The following ITGA4 variants were observed in gnomAD, a reference collection of about 807,000 sequenced individuals.
The protein encoded by ITGA4 is integrin alpha-4.
Under a neutral mutation model 133.6 loss-of-function variants are expected in ITGA4, and 63 were observed. The observed-to-expected ratio is 0.47, with a 90% CI of 0.38 to 0.58. The LOEUF (loss-of-function observed/expected upper bound fraction) is 0.58. ITGA4 is among the 20% of genes least tolerant of loss of function. ITGA4 has a pLI of 0.00. For missense variants in ITGA4, 1,076 were observed against 1,252.7 expected (o/e 0.86, Z 2.13); for synonymous variants, 483 against 438.0 (o/e 1.10, Z -1.28).
chr2:181,460,901 G>A (rs1685260669), intron 2 of ITGA4, among the ~76,000 whole-genome samples: 1 of 152,124 alleles, frequency 6.6e-6, no homozygotes, highest in South Asian at 2.1e-4. Flanking sequence ...ATGTTATAAT[G>A]ATTAAAGATC....
intron 27 of ITGA4, among the ~76,000 whole-genome samples, 174 bp from the exon 28 acceptor site, chr2:181,535,258 C>T (rs747540508): frequency 1.7e-4 from 26 of 152,144 alleles, no homozygotes; most frequent in Middle Eastern, 6.8e-3. Context: ...TTCTTTAACC[C>T]AGTATGTCCC....
Position 181,495,766 on chromosome 2 carries a change from T to C in ITGA4, c.1386-17T>C. On this transcript the variant is annotated splice_polypyrimidine_tract_variant and intron_variant, in intron 13 of 27. Transcript: ENST00000397033. The surrounding 1 kb of genome is among the most constrained non-coding windows in gnomAD (Gnocchi z 4.3). ...ATAATTCTGCAATTAACATTGCTAC[T>C]TTTATTTCCTTCTCAGGACAAGACC... 4 of 1,601,926 alleles carry C rather than the reference T, an allele frequency of 2.5e-6. No individual in the cohort carries two copies. The highest frequency in any genetic ancestry group is 3.4e-6 in the Non-Finnish European group (4 of 1,175,450).
At chr2:181,507,214 G>C (rs893043496) in intron 15 of ITGA4, among the ~76,000 whole-genome samples, 19 of 152,040 alleles carry the variant, frequency 1.2e-4, no homozygotes, top group African/African-American at 4.6e-4. Flanking sequence ...TTCTCCACTT[G>C]TTTCCGTGTA....
At position 181,495,216 on chromosome 2, in the gene ITGA4, G is replaced by C. The variant is rs1686133508; in HGVS notation, c.1340-155G>C. Among the ~76,000 whole-genome samples, 1 of 152,122 alleles carries C rather than the reference G, an allele frequency of 6.6e-6. No homozygotes were observed. Among genetic ancestry groups the C allele is most frequent in the African/African-American group, 2.4e-5 (1 of 41,418 alleles). ...TACATGAATAGATTCAGAGAAAAGT[G>C]GAAAGAATCGTAAGATGTTAGCATA... On this transcript the variant is annotated intron_variant, in intron 12 of 27. Transcript: ENST00000397033. The surrounding 1 kb of genome is among the most constrained non-coding windows in gnomAD (Gnocchi z 4.3).
upstream of ITGA4, chr2:181,457,235 G>A (rs536579089): frequency 9.0e-5 from 17 of 187,914 alleles, no homozygotes; most frequent in Admixed American, 9.0e-4. Context: ...GCCATCCCGC[G>A]CTCTGCGGGC....
intron 2 of ITGA4, among the ~76,000 whole-genome samples, chr2:181,459,702 C>A (rs577307473): frequency 8.5e-5 from 13 of 152,276 alleles, no homozygotes; most frequent in Admixed American, 8.5e-4. Flanking sequence ...GCATAATTTT[C>A]ATTGCATGAG....
At chr2:181,503,294 T>G (rs1686320965) in intron 15 of ITGA4, among the ~76,000 whole-genome samples, 1 of 152,136 alleles carries the variant, frequency 6.6e-6, no homozygotes, top group South Asian at 2.1e-4. Flanking sequence ...TTTAAAAAAT[T>G]ATTCTCTTTT....
intron 6 of ITGA4, 92 bp downstream of exon 6, chr2:181,480,358 T>A: frequency 1.5e-6 from 1 of 668,390 alleles, no homozygotes; most frequent in Non-Finnish European, 2.3e-6. Context: ...TCCAAAGATC[T>A]AAATGGCCAG....
At chr2:181,505,277 C>A (rs1686370686) in intron 15 of ITGA4, among the ~76,000 whole-genome samples, 1 of 151,906 alleles carries the variant, frequency 6.6e-6, no homozygotes, top group Admixed American at 6.6e-5. Context: ...ATATTTATTC[C>A]TGACATTATT....
Position 181,537,767 on chromosome 2 carries a change from A to AAAACAGAATTTGAATTGATATTTC in ITGA4, c.*2242_*2265dup. 1 of 450,022 alleles carries AAAACAGAATTTGAATTGATATTTC rather than the reference A, an allele frequency of 2.2e-6. No individual in the cohort carries two copies. Among genetic ancestry groups the AAAACAGAATTTGAATTGATATTTC allele is most frequent in the Non-Finnish European group, 4.4e-6 (1 of 226,366 alleles). The allele number at this position is 450,022 out of a possible 1,614,324, so 27.9% of individuals were successfully genotyped here. Reference sequence around the variant, plus strand: ...AAAAAAGAATTTGAATTGATATCTAAAAACAGAATTTGAATTGATATTTCA... The same window carrying AAAACAGAATTTGAATTGATATTTC: ...AAAAAAGAATTTGAATTGATATCTAAAAACAGAATTTGAATTGATATTTCAAACAGAATTTGAATTGATATTTCA... On this transcript the variant is annotated 3_prime_UTR_variant, in exon 28 of 28. Transcript: ENST00000397033.
chr2:181,503,346 G>C (rs992913568), intron 15 of ITGA4, among the ~76,000 whole-genome samples: 5 of 151,978 alleles, frequency 3.3e-5, no homozygotes, highest in African/African-American at 1.2e-4. Context: ...TCTTGGACTA[G>C]AGGTGCATTT....
At chr2:181,486,283 T>C (rs905404804) in intron 10 of ITGA4, 2 of 270,854 alleles carry the variant, frequency 7.4e-6, no homozygotes, top group African/African-American at 4.5e-5. Context: ...AGCTACCTAT[T>C]AAGCTGTTAC....
chr2:181,497,411 A>T (rs1037617267), intron 14 of ITGA4, among the ~76,000 whole-genome samples: 9 of 151,904 alleles, frequency 5.9e-5, no homozygotes, highest in Non-Finnish European at 1.2e-4. Context: ...CTAATAGTGG[A>T]TTTTTTTTCA....
chr2:181,492,482 C>T (rs1367650617), intron 10 of ITGA4, among the ~76,000 whole-genome samples: 5 of 151,902 alleles, frequency 3.3e-5, no homozygotes, highest in Non-Finnish European at 5.9e-5. Flanking sequence ...TTAAATAAAC[C>T]ATTGCATATA....
chr2:181,486,922 A>G (rs1207897946), intron 10 of ITGA4, among the ~76,000 whole-genome samples: 2 of 152,180 alleles, frequency 1.3e-5, no homozygotes, highest in Non-Finnish European at 2.9e-5. Flanking sequence ...CTGGGGTACT[A>G]TAAATTCTCA....
At chr2:181,507,762 G>C (rs1005917400) in intron 15 of ITGA4, among the ~76,000 whole-genome samples, 1 of 151,948 alleles carries the variant, frequency 6.6e-6, no homozygotes, top group South Asian at 2.1e-4. Flanking sequence ...ATAATGACAA[G>C]AAAAAAAATC....
chr2:181,457,908 C>A, intron 1 of ITGA4, 57 bp downstream of exon 1: 1 of 1,468,558 alleles, frequency 6.8e-7, no homozygotes, highest in Middle Eastern at 1.8e-4. Flanking sequence ...GAGAATGGCG[C>A]CCTAGGGATT....
chr2:181,538,270 C>T lies in ITGA4; in HGVS notation c.*2743C>T, dbSNP rs1234550022. ...CTGTAAAGAAAATACATTATTTCAT[C>T]AACTTATTTTGTTGTTTTTCACATA... On this transcript the variant is annotated 3_prime_UTR_variant, in exon 28 of 28. Transcript: ENST00000397033. 3 of 1,441,054 alleles carry T rather than the reference C, an allele frequency of 2.1e-6. No homozygotes were observed. The highest frequency in any genetic ancestry group is 1.7e-5 in the Admixed American group (1 of 59,056). The allele number at this position is 1,441,054 out of a possible 1,614,324, so 89.3% of individuals were successfully genotyped here. A position where few individuals can be genotyped will look rare whatever the true frequency, so the allele number is the denominator to read the frequency against.
At chr2:181,485,585 G>T (rs1470009753) in intron 9 of ITGA4, among the ~76,000 whole-genome samples, 1 of 152,060 alleles carries the variant, frequency 6.6e-6, no homozygotes, top group Non-Finnish European at 1.5e-5. Context: ...TTTAGTAGAG[G>T]CTCAATAAAT....
Sources: allele counts gnomAD v4.1 joint callset (sites outside exome capture counted in the v4.1 genomes callset), GRCh38; gene constraint gnomAD v4.1.1; non-coding constraint Gnocchi (gnomAD v3.1); transcripts MANE v1.5; gene names NCBI Gene and HGNC (gene_info 2026-07-23, HGNC 2026-07-21).